Variants in PTK2 observed in about 807,000 individuals in gnomAD.
The protein encoded by PTK2 is focal adhesion kinase 1.
In PTK2, 45 loss-of-function variants were observed where a neutral mutation model predicts 150.1. That is an observed-to-expected ratio of 0.30 (90% CI 0.24 to 0.38). PTK2 has a LOEUF of 0.38. PTK2 is among the 10% of genes least tolerant of loss of function. The probability of loss-of-function intolerance (pLI) is 1.00; values close to 1 mark genes in which losing one functional copy is unlikely to be tolerated. For synonymous variants in PTK2, 432 were observed against 449.2 expected (o/e 0.96, Z 0.48); for missense variants, 919 against 1,307.3 (o/e 0.70, Z 4.58).
intron 1 of PTK2, among the ~76,000 whole-genome samples, chr8:140,966,120 TTTC>T (rs1333331112): frequency 6.6e-6 from 1 of 152,240 alleles, no homozygotes; most frequent in East Asian, 1.9e-4. Flanking sequence ...TGGAACTGGC[TTTC>T]TTCTCTTCAT....
chr8:140,805,677 C>T (rs2100097775), intron 10 of PTK2, among the ~76,000 whole-genome samples: 2 of 152,034 alleles, frequency 1.3e-5, no homozygotes, highest in South Asian at 4.1e-4. Flanking sequence ...GTCCTGGCAA[C>T]TTCAGCTCCA....
chr8:140,954,520 CACGTT>C (rs1351589551), intron 1 of PTK2, among the ~76,000 whole-genome samples: 2 of 152,120 alleles, frequency 1.3e-5, no homozygotes, highest in Admixed American at 1.3e-4. Context: ...GTATTCTAAG[CACGTT>C]ATTAACCATT....
intron 4 of PTK2, among the ~76,000 whole-genome samples, chr8:140,871,894 C>A (rs560885773): frequency 7.7e-4 from 117 of 152,070 alleles, no homozygotes; most frequent in Admixed American, 7.3e-3. Flanking sequence ...AACTATTTAA[C>A]CAAGATTTTC....
chr8:140,951,736 T>C (rs762774384), intron 1 of PTK2, among the ~76,000 whole-genome samples: 4 of 151,912 alleles, frequency 2.6e-5, no homozygotes, highest in Non-Finnish European at 5.9e-5. Flanking sequence ...TTTTTTTAAT[T>C]AGCCACGCAT....
intron 16 of PTK2, among the ~76,000 whole-genome samples, chr8:140,753,296 T>G (rs1315477829): frequency 6.6e-6 from 1 of 151,820 alleles, no homozygotes; most frequent in Non-Finnish European, 1.5e-5. Context: ...TGTGAGAGAG[T>G]CAAGTTCAGG....
intron 2 of PTK2, among the ~76,000 whole-genome samples, chr8:140,923,969 AT>A: frequency 6.6e-6 from 1 of 152,090 alleles, no homozygotes; most frequent in East Asian, 1.9e-4. Flanking sequence ...CTTCCAAAAC[AT>A]CAATCACACA....
At chr8:140,867,864 C>T (rs2100140253) in intron 4 of PTK2, among the ~76,000 whole-genome samples, 1 of 152,290 alleles carries the variant, frequency 6.6e-6, no homozygotes, top group South Asian at 2.1e-4. Context: ...ACCATGTTCT[C>T]GTGCCCCACT....
intron 20 of PTK2, among the ~76,000 whole-genome samples, chr8:140,741,757 G>C (rs973282566): frequency 6.6e-6 from 1 of 152,110 alleles, no homozygotes; most frequent in South Asian, 2.1e-4. Flanking sequence ...TAAAATATTA[G>C]TTCAGTAACA....
chr8:140,737,111 C>T (rs1248870495), intron 21 of PTK2, among the ~76,000 whole-genome samples: 1 of 152,090 alleles, frequency 6.6e-6, no homozygotes, highest in Non-Finnish European at 1.5e-5. Context: ...TTAATGTGTT[C>T]CTGGCACACT....
intron 1 of PTK2, among the ~76,000 whole-genome samples, chr8:140,975,447 C>A (rs561148622): frequency 6.6e-6 from 1 of 152,176 alleles, no homozygotes. Flanking sequence ...AAACCCCAGC[C>A]TCTCACACCT....
chr8:140,898,599 T>C (rs1332819518), intron 2 of PTK2, among the ~76,000 whole-genome samples: 7 of 152,156 alleles, frequency 4.6e-5, no homozygotes, highest in Non-Finnish European at 5.9e-5. Flanking sequence ...CCTCTGGAGT[T>C]AAGCTCCAAG....
intron 2 of PTK2, among the ~76,000 whole-genome samples, chr8:140,910,863 C>T (rs2100162847): frequency 6.7e-6 from 1 of 148,632 alleles, no homozygotes; most frequent in South Asian, 2.2e-4. Flanking sequence ...TTCTAAAGGC[C>T]TCAAATCCCA....
At chr8:140,696,135 C>T (rs2100026414) in intron 26 of PTK2, among the ~76,000 whole-genome samples, 1 of 152,166 alleles carries the variant, frequency 6.6e-6, no homozygotes, top group East Asian at 1.9e-4. Context: ...AGCCTTATTA[C>T]TGCTGAACAA....
At chr8:140,982,740 G>A (rs1276172551) in intron 1 of PTK2, among the ~76,000 whole-genome samples, 1 of 152,210 alleles carries the variant, frequency 6.6e-6, no homozygotes, top group Non-Finnish European at 1.5e-5. Flanking sequence ...TCACATTTTA[G>A]CAGGAGTTGT....
chr8:140,832,894 C>T, intron 7 of PTK2: 1 of 518,994 alleles, frequency 1.9e-6, no homozygotes, highest in Non-Finnish European at 3.8e-6. Flanking sequence ...AGGCAACACA[C>T]ACGTCAGTAT....
chr8:140,819,189 T>C (rs551484728), intron 8 of PTK2, among the ~76,000 whole-genome samples, 169 bp from the exon 9 acceptor site: 3 of 152,366 alleles, frequency 2.0e-5, no homozygotes, highest in African/African-American at 7.2e-5. Flanking sequence ...CAAAGCTTTA[T>C]TCTTTTAATT....
intron 28 of PTK2, 68 bp from the exon 32 acceptor site, chr8:140,674,472 G>T: frequency 7.3e-7 from 1 of 1,377,080 alleles, no homozygotes; most frequent in Non-Finnish European, 1.0e-6. Flanking sequence ...GGGGGCAGTG[G>T]CTCATGCCTA....
chr8:140,888,531 T>G (rs570644267), intron 3 of PTK2, among the ~76,000 whole-genome samples: 1 of 152,376 alleles, frequency 6.6e-6, no homozygotes, highest in African/African-American at 2.4e-5. Context: ...AGATTGATCT[T>G]CACAAGTTTG....
intron 1 of PTK2, among the ~76,000 whole-genome samples, chr8:140,932,476 A>G (rs956802620): frequency 6.6e-6 from 1 of 152,174 alleles, no homozygotes; most frequent in Non-Finnish European, 1.5e-5. Flanking sequence ...TCAGCCTCCC[A>G]AAGTGCTGGG....
Sources: gnomAD v4.1 joint callset for allele counts (sites outside exome capture counted in the v4.1 genomes callset) on GRCh38, gnomAD v4.1.1 for gene constraint, MANE v1.5 for transcripts, NCBI Gene and HGNC (gene_info 2026-07-23, HGNC 2026-07-21) for gene names.